The following SOX6 variants were observed in gnomAD, a reference collection of about 807,000 sequenced individuals.
The protein encoded by SOX6 is transcription factor SOX-6.
SOX6 carries 11 observed loss-of-function variants against 97.8 expected under a neutral mutation model. That is an observed-to-expected ratio of 0.11 (90% CI 0.07 to 0.19). The LOEUF is 0.19. Among genes scored for constraint, SOX6 ranks in the 10% least tolerant of loss-of-function variants. The pLI, the probability that SOX6 is intolerant of heterozygous loss-of-function variation, is 1.00. For synonymous variants in SOX6, 360 were observed against 371.4 expected, an observed-to-expected ratio of 0.97 and a Z score of 0.35; for missense variants, 810 against 1,039.5, an observed-to-expected ratio of 0.78 and a Z score of 3.04.
At chr11:16,023,510 G>T (rs1855129872) in intron 12 of SOX6, among the ~76,000 whole-genome samples, 1 of 152,088 alleles carries the variant, frequency 6.6e-6, no homozygotes, top group Non-Finnish European at 1.5e-5. Context: ...TACAAAGGAA[G>T]GTGTGTAAGT....
chr11:16,676,631 C>T (rs1454992683), intron 3 of SOX6, among the ~76,000 whole-genome samples: 15 of 152,116 alleles, frequency 9.9e-5, no homozygotes, highest in Admixed American at 8.5e-4. Context: ...TATTCTTCGT[C>T]ACATGTAGCT....
chr11:16,284,922 A>G (rs796493464), intron 3 of SOX6, among the ~76,000 whole-genome samples: 5 of 152,274 alleles, frequency 3.3e-5, no homozygotes, highest in African/African-American at 1.2e-4. Flanking sequence ...AGGTCTAAAC[A>G]CTTTCTTATC....
intron 6 of SOX6, among the ~76,000 whole-genome samples, chr11:16,158,320 T>C (rs537358246): frequency 1.3e-5 from 2 of 152,086 alleles, no homozygotes; most frequent in South Asian, 4.1e-4. Flanking sequence ...GTGTATATAT[T>C]ATGTTCTTGT....
In SOX6 at chr11:16,436,389, G is replaced by A. The variant is rs189626713; in HGVS notation, c.-5+39926C>T. Among the ~76,000 whole-genome samples, 130 of 151,222 alleles carry A rather than the reference G, an allele frequency of 8.6e-4. 1 individual carries two copies. Among genetic ancestry groups the A allele is most frequent in the Admixed American group, 8.0e-3 (122 of 15,184 alleles). ...TGTTCTATCTCTCATTTCCTCTCTC[G>A]CTCTTTCCCTCTCTCCTTTCCTCCC... On this transcript the variant is annotated intron_variant, in intron 1 of 15. Transcript: ENST00000396356.
chr11:16,005,283 A>G (rs1327664984), intron 13 of SOX6, among the ~76,000 whole-genome samples: 1 of 152,018 alleles, frequency 6.6e-6, no homozygotes, highest in Admixed American at 6.6e-5. Context: ...TCTCTACGAT[A>G]TAGACGAAAA....
intron 1 of SOX6, among the ~76,000 whole-genome samples, chr11:16,414,029 T>A (rs1267981029): frequency 2.0e-5 from 3 of 152,336 alleles, no homozygotes; most frequent in Non-Finnish European, 4.4e-5. Context: ...AATATTCATT[T>A]ATGTCAAATT....
At chr11:16,182,389 G>A (rs982688258) in intron 6 of SOX6, among the ~76,000 whole-genome samples, 7 of 151,798 alleles carry the variant, frequency 4.6e-5, no homozygotes, top group African/African-American at 2.4e-5. Context: ...CACCTACTGA[G>A]TTCCTACAGA....
intron 6 of SOX6, among the ~76,000 whole-genome samples, chr11:16,179,683 G>A (rs952464152): frequency 2.0e-5 from 3 of 151,754 alleles, no homozygotes; most frequent in Non-Finnish European, 4.4e-5. Flanking sequence ...CAAGTCTCAC[G>A]ATTTTACCCA....
chr11:16,480,087 T>C (rs891573564), upstream of SOX6, among the ~76,000 whole-genome samples: 1 of 152,058 alleles, frequency 6.6e-6, no homozygotes, highest in East Asian at 1.9e-4. Context: ...AATATGTGTA[T>C]AATAAAAGCC....
chr11:16,304,471 C>A (rs1247072444), intron 3 of SOX6, among the ~76,000 whole-genome samples: 1 of 152,056 alleles, frequency 6.6e-6, no homozygotes, highest in Non-Finnish European at 1.5e-5. Flanking sequence ...AGCAAAGAGC[C>A]CTTACCAGAC....
intron 4 of SOX6, 101 bp downstream of exon 4, chr11:16,234,481 G>A: frequency 1.4e-6 from 1 of 707,608 alleles, no homozygotes; most frequent in Non-Finnish European, 2.5e-6. Context: ...AATGTTACAT[G>A]TAAGATTTAC....
intron 3 of SOX6, among the ~76,000 whole-genome samples, chr11:16,309,905 T>C (rs1565083725): frequency 6.6e-6 from 1 of 152,068 alleles, no homozygotes; most frequent in Non-Finnish European, 1.5e-5. Context: ...CTCAAAATCA[T>C]ATGAGACTAT....
chr11:16,277,459 T>C (rs944171217), intron 3 of SOX6, among the ~76,000 whole-genome samples: 2 of 152,142 alleles, frequency 1.3e-5, no homozygotes, highest in African/African-American at 2.4e-5. Context: ...ATTTCTGTTG[T>C]TTAAGCCATC....
intron 5 of SOX6, among the ~76,000 whole-genome samples, chr11:16,185,562 C>T (rs1336823027): frequency 6.6e-6 from 1 of 152,132 alleles, no homozygotes; most frequent in South Asian, 2.1e-4. Flanking sequence ...ATTTTATTTG[C>T]CAATAGGTTG....
At chr11:16,660,129 C>T (rs1590042571) in intron 3 of SOX6, among the ~76,000 whole-genome samples, 2 of 152,046 alleles carry the variant, frequency 1.3e-5, no homozygotes, top group East Asian at 3.9e-4. Context: ...GATTTCTGCT[C>T]TTTTGTTATT....
At chr11:15,994,854 G>GA (rs545230617) in intron 13 of SOX6, among the ~76,000 whole-genome samples, 42 of 152,092 alleles carry the variant, frequency 2.8e-4, no homozygotes, top group Non-Finnish European at 5.7e-4. Context: ...AACAAAATAT[G>GA]AAAAAAACCC....
At chr11:16,067,726 TATG>T (rs1848126951) in intron 9 of SOX6, among the ~76,000 whole-genome samples, 1 of 152,170 alleles carries the variant, frequency 6.6e-6, no homozygotes, top group South Asian at 2.1e-4. Context: ...CCCCACATTA[TATG>T]ATGTGATTAT....
intron 4 of SOX6, among the ~76,000 whole-genome samples, chr11:16,533,324 G>A (rs1387838884): frequency 1.3e-5 from 2 of 151,840 alleles, no homozygotes; most frequent in African/African-American, 4.8e-5. Context: ...ATAGGTGACT[G>A]AAAAACTGAA....
chr11:16,137,023 T>C (rs1479705902), intron 6 of SOX6, among the ~76,000 whole-genome samples: 1 of 152,236 alleles, frequency 6.6e-6, no homozygotes, highest in Non-Finnish European at 1.5e-5. Flanking sequence ...AACTCACAAA[T>C]ACTTAAAATA....
Sources: gnomAD v4.1 joint callset for allele counts (sites outside exome capture counted in the v4.1 genomes callset) on GRCh38, gnomAD v4.1.1 for gene constraint, MANE v1.5 for transcripts, NCBI Gene and HGNC (gene_info 2026-07-23, HGNC 2026-07-21) for gene names.